Variants in CAV1 observed in about 807,000 individuals in gnomAD.
CAV1 encodes the protein caveolin-1.
Under a neutral mutation model 16.5 loss-of-function variants are expected in CAV1, and 10 were observed. The ratio of observed to expected loss-of-function variants is 0.61; its 90% CI spans 0.37 to 1.03. The LOEUF (loss-of-function observed/expected upper bound fraction) is 1.03, where lower values mean the gene tolerates loss of function less well. Ranked by LOEUF, CAV1 falls within the 50% of genes least tolerant of loss-of-function variation. The pLI, the probability that CAV1 is intolerant of heterozygous loss-of-function variation, is 0.01. For missense variants in CAV1, 212 were observed against 232.8 expected, an observed-to-expected ratio of 0.91 and a Z score of 0.58; for synonymous variants, 76 against 85.1, an observed-to-expected ratio of 0.89 and a Z score of 0.59.
intron 2 of CAV1, among the ~76,000 whole-genome samples, chr7:116,552,600 C>CT (rs1483169206): frequency 6.6e-6 from 1 of 152,074 alleles, no homozygotes; most frequent in Admixed American, 6.5e-5. Flanking sequence ...AGCAGCATCT[C>CT]TTCTATTTCC....
rs149691038 is a variant in CAV1 at position 116,549,853 on chromosome 7, C to G, written c.196-9093C>G. Among the ~76,000 whole-genome samples, 24 of 152,294 alleles carry G rather than the reference C, an allele frequency of 1.6e-4. No homozygotes were observed. In the East Asian group the frequency reaches 4.6e-3, roughly 29 times the overall value. ...GGATACCAGATGTTTGTAGTAGACA[C>G]AGACCTTGCCCTAAGTCCTGGTCTT... On this transcript the variant is annotated intron_variant, in intron 2 of 2. Transcript: ENST00000341049.
At chr7:116,525,496 T>A (rs1346027658) in intron 1 of CAV1, 1 of 1,268,100 alleles carries the variant, frequency 7.9e-7, no homozygotes, top group Non-Finnish European at 1.0e-6. Flanking sequence ...ACCCGAGTCC[T>A]GGGGACAGTC....
intron 2 of CAV1, among the ~76,000 whole-genome samples, chr7:116,541,430 C>G (rs899802732): frequency 6.6e-6 from 1 of 152,126 alleles, no homozygotes; most frequent in Non-Finnish European, 1.5e-5. Flanking sequence ...ATAGGAAAGG[C>G]TAGCACACTT....
chr7:116,526,604 G>A lies in CAV1; in HGVS notation c.110G>A (p.Ser37Asn), dbSNP rs879107171. The A allele has an allele frequency of 3.1e-6, 5 of 1,614,056 alleles. No individual in the cohort carries two copies. In the African/African-American group the frequency reaches 5.3e-5, roughly 17 times the overall value. ...AACAAGGCCATGGCAGACGAGCTGA[G>A]CGAGAAGCAAGTGTACGACGCGCAC... ...PNNKAMADEL[S>N]EKQVYDAHTK... The change falls in exon 2 of 3, where the codon AGC becomes AAC. Residue 37 changes from serine to asparagine, a missense_variant. Ser to Asn is a conservative substitution (Grantham distance 46). Transcript: ENST00000341049.
At chr7:116,527,353 T>G (rs758841229) in intron 2 of CAV1, among the ~76,000 whole-genome samples, 1 of 152,212 alleles carries the variant, frequency 6.6e-6, no homozygotes, top group Non-Finnish European at 1.5e-5. Context: ...CTTCTATCTA[T>G]GGACACCTGC....
At chr7:116,552,720 T>C (rs1794188303) in intron 2 of CAV1, among the ~76,000 whole-genome samples, 1 of 152,294 alleles carries the variant, frequency 6.6e-6, no homozygotes, top group Admixed American at 6.5e-5. Context: ...CTGTCTCTTT[T>C]CATAAGGAAG....
chr7:116,543,810 T>C (rs1793986151), intron 2 of CAV1, among the ~76,000 whole-genome samples: 1 of 152,180 alleles, frequency 6.6e-6, no homozygotes, highest in Non-Finnish European at 1.5e-5. Flanking sequence ...TGGCCCCATT[T>C]CTATCGTTTG....
At position 116,525,446 on chromosome 7, in the gene CAV1, G is replaced by C. The variant is rs1434581746; in HGVS notation, c.30+354G>C. On this transcript the variant is annotated intron_variant, in intron 1 of 2. Transcript: ENST00000341049. ...CCCCGCGGTCCGGCCCTGCCTGCTG[G>C]GGGTTCGAAGAGGTGGAGTGCAGGG... 6 of 1,391,150 alleles carry C rather than the reference G, an allele frequency of 4.3e-6. No homozygotes were observed. In the Admixed American group the frequency reaches 1.3e-4, roughly 30 times the overall value. 86.2% of individuals were successfully genotyped at this position (1,391,150 alleles called of 1,614,324 possible).
chr7:116,542,224 C>T (rs1377594181), intron 2 of CAV1, among the ~76,000 whole-genome samples: 8 of 152,208 alleles, frequency 5.3e-5, no homozygotes, highest in Non-Finnish European at 1.5e-5. Flanking sequence ...TTGTATAAAC[C>T]CCTATTGTGA....
intron 2 of CAV1, among the ~76,000 whole-genome samples, chr7:116,546,062 CCCT>C (rs1339786040): frequency 1.3e-5 from 2 of 152,170 alleles, no homozygotes; most frequent in African/African-American, 4.8e-5. Context: ...CCCGAGTTAT[CCCT>C]CCTCTCTGTT....
chr7:116,532,568 T>A (rs1793707591), intron 2 of CAV1, among the ~76,000 whole-genome samples: 1 of 152,200 alleles, frequency 6.6e-6, no homozygotes, highest in African/African-American at 2.4e-5. Context: ...AGTATCTTCT[T>A]TACCATAATC....
At chr7:116,555,197 C>A (rs931956869) in intron 2 of CAV1, among the ~76,000 whole-genome samples, 3 of 151,988 alleles carry the variant, frequency 2.0e-5, no homozygotes, top group Admixed American at 2.0e-4. Context: ...AATCCCAACA[C>A]TTTGGGAGGC....
intron 2 of CAV1, among the ~76,000 whole-genome samples, chr7:116,534,362 G>GATATATATATATATACATATATAT (rs1793749760): frequency 4.7e-5 from 2 of 42,692 alleles, no homozygotes; most frequent in Admixed American, 7.2e-4. Flanking sequence ...GCCCACCTCA[G>GATATATATATATATACATATATAT]ATATATATAT....
At chr7:116,539,638 A>AT (rs1793897055) in intron 2 of CAV1, among the ~76,000 whole-genome samples, 1 of 152,194 alleles carries the variant, frequency 6.6e-6, no homozygotes, top group African/African-American at 2.4e-5. Context: ...ATGTGTGTAT[A>AT]TTTAAAATAT....
At chr7:116,527,951 A>G (rs896131363) in intron 2 of CAV1, among the ~76,000 whole-genome samples, 4 of 152,200 alleles carry the variant, frequency 2.6e-5, no homozygotes, top group Non-Finnish European at 5.9e-5. Flanking sequence ...GCTTTTTTTG[A>G]CTAGCTGGAT....
chr7:116,549,271 C>G (rs888219705), intron 2 of CAV1, among the ~76,000 whole-genome samples: 16 of 152,156 alleles, frequency 1.1e-4, no homozygotes, highest in Admixed American at 2.6e-4. Flanking sequence ...TATTCCAGTG[C>G]GTGTCCACCA....
intron 2 of CAV1, among the ~76,000 whole-genome samples, chr7:116,548,504 T>G (rs2116052974): frequency 6.6e-6 from 1 of 152,296 alleles, no homozygotes; most frequent in Middle Eastern, 3.4e-3. Context: ...CTTTCCTTGG[T>G]GGAAATGGTT....
chr7:116,547,949 C>T (rs767436198), intron 2 of CAV1, among the ~76,000 whole-genome samples: 3 of 152,236 alleles, frequency 2.0e-5, no homozygotes, highest in Non-Finnish European at 4.4e-5. Flanking sequence ...AACCCAGCCT[C>T]CATGCTATTA....
At chr7:116,557,229 A>G (rs1471069332) in intron 2 of CAV1, among the ~76,000 whole-genome samples, 1 of 152,242 alleles carries the variant, frequency 6.6e-6, no homozygotes, top group Non-Finnish European at 1.5e-5. Flanking sequence ...ACATTGGACA[A>G]TAAGTCAAGA....
Sources: allele counts gnomAD v4.1 joint callset (sites outside exome capture counted in the v4.1 genomes callset), GRCh38; gene constraint gnomAD v4.1.1; transcripts MANE v1.5; gene names NCBI Gene and HGNC (gene_info 2026-07-23, HGNC 2026-07-21).